CRYBG3: variants seen among roughly 807,000 people sequenced by gnomAD.
CRYBG3 encodes the protein crystallin beta-gamma domain containing 3.
In CRYBG3, 127 loss-of-function variants were observed where a neutral mutation model predicts 244.2. That is an observed-to-expected ratio of 0.52 (90% CI 0.45 to 0.60). The LOEUF (loss-of-function observed/expected upper bound fraction) is 0.60. Ranked by LOEUF, CRYBG3 falls within the 20% of genes least tolerant of loss-of-function variation. CRYBG3 has a pLI of 0.00. For synonymous variants in CRYBG3, 1,132 were observed against 1,195.8 expected, an observed-to-expected ratio of 0.95 and a Z score of 1.10; for missense variants, 3,325 against 3,442.5, an observed-to-expected ratio of 0.97 and a Z score of 0.85.
At chr3:97,939,069 A>G (rs111474377) in intron 19 of CRYBG3, among the ~76,000 whole-genome samples, 1 of 152,040 alleles carries the variant, frequency 6.6e-6, no homozygotes, top group Non-Finnish European at 1.5e-5. Flanking sequence ...AAGTTCAACA[A>G]TGAAAATATG....
chr3:97,884,488 A>G (rs2039485623), intron 7 of CRYBG3, among the ~76,000 whole-genome samples: 2 of 152,134 alleles, frequency 1.3e-5, no homozygotes, highest in African/African-American at 4.8e-5. Context: ...TTAACTATAA[A>G]ACTGTCTTCA....
chr3:97,838,137 T>C (rs2038760214), intron 1 of CRYBG3, among the ~76,000 whole-genome samples: 1 of 152,102 alleles, frequency 6.6e-6, no homozygotes, highest in South Asian at 2.1e-4. Flanking sequence ...AAAGGGGATT[T>C]TTTTCCTTCC....
At chr3:97,914,651 C>T (rs1280057591) in intron 16 of CRYBG3, among the ~76,000 whole-genome samples, 1 of 152,124 alleles carries the variant, frequency 6.6e-6, no homozygotes, top group Non-Finnish European at 1.5e-5. Context: ...ATAACGGTAC[C>T]TACCTCAAAG....
chr3:97,924,964 G>A (rs1454509594), intron 17 of CRYBG3, among the ~76,000 whole-genome samples: 1 of 152,042 alleles, frequency 6.6e-6, no homozygotes, highest in Non-Finnish European at 1.5e-5. Flanking sequence ...TATATTTGCA[G>A]TCCATATAAC....
chr3:97,844,249 A>G (rs1333273728), intron 2 of CRYBG3, among the ~76,000 whole-genome samples: 1 of 152,032 alleles, frequency 6.6e-6, no homozygotes, highest in Non-Finnish European at 1.5e-5. Context: ...TGGCTACTAA[A>G]TCCTCCTTCT....
chr3:97,858,971 A>AT (rs71113874), intron 2 of CRYBG3, among the ~76,000 whole-genome samples: 33,235 of 151,814 alleles, frequency 0.22, 4,130 homozygotes, highest in Middle Eastern at 0.31. Flanking sequence ...GTAGGGAAAG[A>AT]TTTTTTCTTA....
At chr3:97,864,946 A>G (rs2039206684) in intron 3 of CRYBG3, among the ~76,000 whole-genome samples, 1 of 152,250 alleles carries the variant, frequency 6.6e-6, no homozygotes, top group African/African-American at 2.4e-5. Context: ...AATGTATTCA[A>G]TATGTGCATT....
At chr3:97,928,584 A>C (rs1336759534) in intron 17 of CRYBG3, among the ~76,000 whole-genome samples, 1 of 152,012 alleles carries the variant, frequency 6.6e-6, no homozygotes, top group African/African-American at 2.4e-5. Flanking sequence ...AAAATGAAAA[A>C]ATACAGTTCT....
Position 97,874,883 on chromosome 3 carries a change from T to C in CRYBG3, c.3689T>C (p.Ile1230Thr). Reference protein sequence around the residue: ...TVSTCQEHIAIEGIMNLGTLK... With the variant: ...TVSTCQEHIATEGIMNLGTLK... ...AGTACCTGCCAGGAGCATATAGCCA[T>C]AGAAGGTATAATGAATCTGGGTACC... The change falls in exon 4 of 22, where the codon ATA (isoleucine) becomes ACA (threonine). Residue 1230 changes from isoleucine (I) to threonine (T), a missense_variant. By Grantham distance (89) the Ile-to-Thr change is moderately conservative. Transcript: ENST00000389622. 2 of 1,535,142 alleles carry C rather than the reference T, an allele frequency of 1.3e-6. No homozygotes were observed. Among genetic ancestry groups the C allele is most frequent in the South Asian group, 1.2e-5 (1 of 83,864 alleles).
intron 2 of CRYBG3, among the ~76,000 whole-genome samples, chr3:97,855,834 A>G (rs2039055991): frequency 6.6e-6 from 1 of 152,152 alleles, no homozygotes; most frequent in African/African-American, 2.4e-5. Context: ...AGTACTTCAC[A>G]AGGTAATAGA....
chr3:97,828,677 A>G (rs1475405087), intron 1 of CRYBG3, among the ~76,000 whole-genome samples: 1 of 151,908 alleles, frequency 6.6e-6, no homozygotes, highest in Non-Finnish European at 1.5e-5. Context: ...AATACAAAAA[A>G]AATTAGCCGG....
chr3:97,828,885 A>G (rs1471877260), intron 1 of CRYBG3, among the ~76,000 whole-genome samples: 4 of 151,980 alleles, frequency 2.6e-5, no homozygotes, highest in Non-Finnish European at 1.5e-5. Flanking sequence ...AACTTAAGCT[A>G]CAACTAATTG....
At chr3:97,888,159 G>A (rs2039531211) in intron 8 of CRYBG3, among the ~76,000 whole-genome samples, 182 bp from the exon 9 acceptor site, 1 of 152,180 alleles carries the variant, frequency 6.6e-6, no homozygotes, top group Non-Finnish European at 1.5e-5. Flanking sequence ...GATAATGTGT[G>A]AATGTAAATA....
chr3:97,831,509 T>G (rs1288717888), intron 1 of CRYBG3, among the ~76,000 whole-genome samples: 1 of 152,172 alleles, frequency 6.6e-6, no homozygotes, highest in Non-Finnish European at 1.5e-5. Context: ...GTTCAGCATG[T>G]CAAAGTGCCA....
chr3:97,886,879 C>T, intron 8 of CRYBG3, 112 bp downstream of exon 8: 1 of 855,898 alleles, frequency 1.2e-6, no homozygotes. Context: ...TCTCAGTCAC[C>T]CAAGAAAGAC....
intron 19 of CRYBG3, among the ~76,000 whole-genome samples, chr3:97,939,554 G>A (rs772794965): frequency 1.3e-5 from 2 of 152,044 alleles, no homozygotes; most frequent in Non-Finnish European, 2.9e-5. Context: ...GACTACAAAT[G>A]TGTAATAAGG....
chr3:97,919,528 T>A (rs1347126603), intron 17 of CRYBG3, among the ~76,000 whole-genome samples: 1 of 152,088 alleles, frequency 6.6e-6, no homozygotes, highest in Non-Finnish European at 1.5e-5. Flanking sequence ...GTCTTCTCTT[T>A]AAGTTTTTCA....
intron 17 of CRYBG3, among the ~76,000 whole-genome samples, chr3:97,930,182 AC>A (rs2040082767): frequency 6.6e-6 from 1 of 152,012 alleles, no homozygotes; most frequent in Non-Finnish European, 1.5e-5. Flanking sequence ...TGTTGCTCTT[AC>A]CCCAGCCAGC....
At chr3:97,879,118 A>G (rs999529614) in intron 4 of CRYBG3, among the ~76,000 whole-genome samples, 2 of 152,198 alleles carry the variant, frequency 1.3e-5, no homozygotes, top group African/African-American at 4.8e-5. Context: ...TCCACTGCCT[A>G]CCAAATCAAG....
Sources: allele counts gnomAD v4.1 joint callset (sites outside exome capture counted in the v4.1 genomes callset), GRCh38; gene constraint gnomAD v4.1.1; transcripts MANE v1.5; gene names NCBI Gene and HGNC (gene_info 2026-07-23, HGNC 2026-07-21).